Variants in NALF1 observed in about 807,000 individuals in gnomAD.
NALF1 encodes family with sequence similarity 155 member A.
In NALF1, 3 loss-of-function variants were observed where a neutral mutation model predicts 48.4. That is an observed-to-expected ratio of 0.06 (90% CI 0.03 to 0.16). The LOEUF (loss-of-function observed/expected upper bound fraction) is 0.16, where lower values mean the gene tolerates loss of function less well. Ranked by LOEUF, NALF1 falls within the 10% of genes least tolerant of loss-of-function variation. The pLI, the probability that NALF1 is intolerant of heterozygous loss-of-function variation, is 1.00. For missense variants in NALF1, 526 were observed against 571.5 expected, an observed-to-expected ratio of 0.92 and a Z score of 0.81; for synonymous variants, 262 against 245.7, an observed-to-expected ratio of 1.07 and a Z score of -0.62.
At chr13:107,299,614 C>A (rs921489929) in intron 1 of NALF1, among the ~76,000 whole-genome samples, 3 of 151,598 alleles carry the variant, frequency 2.0e-5, no homozygotes, top group African/African-American at 7.3e-5. Flanking sequence ...TGACAAAGAG[C>A]AATTTTATAT....
At chr13:107,276,713 G>C (rs1238514114) in intron 1 of NALF1, among the ~76,000 whole-genome samples, 1 of 152,106 alleles carries the variant, frequency 6.6e-6, no homozygotes, top group Non-Finnish European at 1.5e-5. Context: ...AATAGTTGCA[G>C]ACTTCCCATC....
chr13:107,244,101 T>A (rs1055959339), intron 1 of NALF1, among the ~76,000 whole-genome samples: 2 of 152,214 alleles, frequency 1.3e-5, no homozygotes, highest in South Asian at 2.1e-4. Context: ...ATTAGCTATA[T>A]AATTTTCCCT....
chr13:107,521,584 T>A (rs1002981785), intron 1 of NALF1, among the ~76,000 whole-genome samples: 1 of 152,188 alleles, frequency 6.6e-6, no homozygotes, highest in Admixed American at 6.5e-5. Context: ...ATCTTACATG[T>A]AATGGTTTTA....
At chr13:107,306,714 A>C (rs1881943186) in intron 1 of NALF1, among the ~76,000 whole-genome samples, 1 of 152,224 alleles carries the variant, frequency 6.6e-6, no homozygotes, top group Admixed American at 6.5e-5. Context: ...CTGTAGTCTC[A>C]GCGCTTTGGG....
intron 1 of NALF1, among the ~76,000 whole-genome samples, chr13:107,791,675 C>T (rs1250457718): frequency 6.6e-6 from 1 of 151,982 alleles, no homozygotes; most frequent in Non-Finnish European, 1.5e-5. Context: ...AGAATCCTTA[C>T]ATTTGAAGCA....
intron 1 of NALF1, among the ~76,000 whole-genome samples, chr13:107,851,145 T>C (rs983968925): frequency 9.2e-5 from 14 of 152,160 alleles, no homozygotes; most frequent in African/African-American, 3.4e-4. Context: ...TTCTGTCAAG[T>C]GGAATCTTCT....
At chr13:107,572,579 A>G (rs535563161) in intron 1 of NALF1, among the ~76,000 whole-genome samples, 1 of 152,258 alleles carries the variant, frequency 6.6e-6, no homozygotes, top group South Asian at 2.1e-4. Context: ...AGCATCCATT[A>G]AACTGTGGCA....
At chr13:107,829,307 C>T (rs1879635720) in intron 1 of NALF1, among the ~76,000 whole-genome samples, 1 of 152,170 alleles carries the variant, frequency 6.6e-6, no homozygotes, top group Non-Finnish European at 1.5e-5. Flanking sequence ...AAGTTTCTAA[C>T]TGCATTGGTC....
At chr13:107,844,606 C>T (rs1266787566) in intron 1 of NALF1, among the ~76,000 whole-genome samples, 3 of 152,130 alleles carry the variant, frequency 2.0e-5, no homozygotes, top group Non-Finnish European at 4.4e-5. Flanking sequence ...CTTAATAAAG[C>T]TAATCATAAT....
rs1878609468 is a variant in NALF1 at position 107,163,973 on chromosome 13, A to T, written c.*6524T>A. The T allele has an allele frequency of 6.6e-6, 1 of 152,146 alleles. No individual in the cohort carries two copies. Among genetic ancestry groups the T allele is most frequent in the Non-Finnish European group, 1.5e-5 (1 of 68,010 alleles). The allele number at this position is 152,146 out of a possible 1,614,324, so 9.4% of individuals were successfully genotyped here. A position where few individuals can be genotyped will look rare whatever the true frequency, so the allele number is the denominator to read the frequency against. On this transcript the variant is annotated 3_prime_UTR_variant, in exon 3 of 3. Transcript: ENST00000375915. ...ACTTTTGCTGTAGTTTATATTTCCT[A>T]TTGTTTTATCCATTTTGCAGTGAAA...
chr13:107,525,870 T>C (rs1319324019), intron 1 of NALF1, among the ~76,000 whole-genome samples: 1 of 152,168 alleles, frequency 6.6e-6, no homozygotes, highest in East Asian at 1.9e-4. Flanking sequence ...ATAGTGATTT[T>C]AAATTGCATT....
At chr13:107,247,098 T>C (rs769180260) in intron 1 of NALF1, among the ~76,000 whole-genome samples, 6 of 152,306 alleles carry the variant, frequency 3.9e-5, no homozygotes, top group Non-Finnish European at 8.8e-5. Flanking sequence ...AATTTGTATT[T>C]TAATTAGCTT....
intron 1 of NALF1, among the ~76,000 whole-genome samples, chr13:107,221,571 C>T (rs1879994436): frequency 6.6e-6 from 1 of 152,026 alleles, no homozygotes; most frequent in Admixed American, 6.6e-5. Flanking sequence ...CAGAGTGAGA[C>T]TCTGTCTCAA....
chr13:107,433,069 C>A (rs1325541205), intron 1 of NALF1, among the ~76,000 whole-genome samples: 2 of 152,164 alleles, frequency 1.3e-5, no homozygotes, highest in East Asian at 1.9e-4. Flanking sequence ...TAATGTCTGA[C>A]CTTATCCAGA....
intron 1 of NALF1, among the ~76,000 whole-genome samples, chr13:107,274,876 G>T (rs186992109): frequency 6.6e-6 from 1 of 152,022 alleles, no homozygotes; most frequent in African/African-American, 2.4e-5. Context: ...CTGCTTGGAA[G>T]CCAAAAAAAT....
chr13:107,249,779 T>C (rs959316983), intron 1 of NALF1, among the ~76,000 whole-genome samples: 8 of 152,174 alleles, frequency 5.3e-5, no homozygotes, highest in Non-Finnish European at 1.2e-4. Context: ...AACATTTTTG[T>C]TCTATAAGAT....
At chr13:107,455,709 C>T (rs1884813428) in intron 1 of NALF1, among the ~76,000 whole-genome samples, 1 of 152,204 alleles carries the variant, frequency 6.6e-6, no homozygotes, top group Admixed American at 6.5e-5. Flanking sequence ...CCTCTCCCCA[C>T]TAACCTCTGG....
At chr13:107,430,497 T>C (rs909985939) in intron 1 of NALF1, among the ~76,000 whole-genome samples, 1 of 152,112 alleles carries the variant, frequency 6.6e-6, no homozygotes, top group Admixed American at 6.5e-5. Flanking sequence ...CCCCTTCCTG[T>C]GTCCATGTGT....
At chr13:107,182,026 T>C (rs912452371) in intron 2 of NALF1, among the ~76,000 whole-genome samples, 1 of 152,176 alleles carries the variant, frequency 6.6e-6, no homozygotes, top group Non-Finnish European at 1.5e-5. Flanking sequence ...TACTTTTCTC[T>C]GTATCACATT....
Sources: gnomAD v4.1 joint callset for allele counts (sites outside exome capture counted in the v4.1 genomes callset) on GRCh38, gnomAD v4.1.1 for gene constraint, MANE v1.5 for transcripts, NCBI Gene and HGNC (gene_info 2026-07-23, HGNC 2026-07-21) for gene names.